Variants in SNAP91 observed in about 807,000 individuals in gnomAD.
SNAP91 encodes synaptosome associated protein 91.
Under a neutral mutation model 100.3 loss-of-function variants are expected in SNAP91, and 27 were observed. The observed-to-expected ratio is 0.27, with a 90% CI of 0.20 to 0.37. The LOEUF is 0.37. Ranked by LOEUF, SNAP91 falls within the 10% of genes least tolerant of loss-of-function variation. SNAP91 has a pLI of 1.00. For synonymous variants in SNAP91, 404 were observed against 398.6 expected, an observed-to-expected ratio of 1.01 and a Z score of -0.16; for missense variants, 986 against 1,123.7, an observed-to-expected ratio of 0.88 and a Z score of 1.75.
At chr6:83,652,467 T>C (rs906523532) in intron 7 of SNAP91, among the ~76,000 whole-genome samples, 3 of 152,148 alleles carry the variant, frequency 2.0e-5, no homozygotes, top group East Asian at 1.9e-4. Context: ...GCTTCATTGA[T>C]AGTGTGAGTA....
chr6:83,656,688 C>T, intron 7 of SNAP91, 66 bp downstream of exon 7: 3 of 672,244 alleles, frequency 4.5e-6, no homozygotes, highest in African/African-American at 1.9e-5. Context: ...CAGACTCACC[C>T]CACAGAATTC....
intron 14 of SNAP91, among the ~76,000 whole-genome samples, chr6:83,605,356 G>C (rs1372029042): frequency 6.6e-6 from 1 of 152,104 alleles, no homozygotes; most frequent in Non-Finnish European, 1.5e-5. Context: ...CTCAAGGCCT[G>C]AGTCTCTAGA....
At chr6:83,631,818 T>G (rs1249088915) in intron 8 of SNAP91, among the ~76,000 whole-genome samples, 1 of 152,176 alleles carries the variant, frequency 6.6e-6, no homozygotes, top group Non-Finnish European at 1.5e-5. Flanking sequence ...AGTGGGGCAT[T>G]TAGGCCATTT....
intron 13 of SNAP91, 32 bp from the exon 14 acceptor site, chr6:83,605,835 T>A: frequency 6.7e-7 from 1 of 1,499,122 alleles, no homozygotes; most frequent in Non-Finnish European, 9.0e-7. Context: ...AAAATCAGAT[T>A]TTGAAATTTT....
intron 9 of SNAP91, among the ~76,000 whole-genome samples, chr6:83,622,830 T>C (rs1256641438): frequency 8.5e-5 from 13 of 152,084 alleles, no homozygotes; most frequent in Admixed American, 8.5e-4. Context: ...TGGACATTTC[T>C]CCATTTCATA....
intron 16 of SNAP91, among the ~76,000 whole-genome samples, chr6:83,600,075 C>T (rs577495899): frequency 4.8e-4 from 73 of 152,310 alleles, no homozygotes; most frequent in Middle Eastern, 3.4e-3. Context: ...TGAGCCACTG[C>T]GCCAGACCAT....
chr6:83,683,349 C>T lies in SNAP91; in HGVS notation c.131-17768G>A, dbSNP rs937029751. 5.9e-5 allele frequency among the ~76,000 whole-genome samples: 9 copies of T among 152,140 alleles called. No homozygotes were observed. The East Asian group carries it at 7.7e-4, about 13-fold the overall frequency. ...AAATTTGATCTCCAATGTTGGAGGTCGGGCCTAATGGAAGGTGTTTGGGCC... is the reference window on the plus strand; with the variant it reads ...AAATTTGATCTCCAATGTTGGAGGTTGGGCCTAATGGAAGGTGTTTGGGCC... On this transcript the variant is annotated intron_variant, in intron 2 of 29. Coordinates refer to ENST00000369694, the MANE Select transcript of SNAP91 (RefSeq NM_001242792.2).
intron 28 of SNAP91, 149 bp downstream of exon 28, chr6:83,559,955 T>C: frequency 3.0e-6 from 2 of 666,630 alleles, no homozygotes; most frequent in South Asian, 1.8e-5. Context: ...ATCTCACTTT[T>C]GCAGATCTGT....
At chr6:83,660,019 T>C (rs2098508486) in intron 5 of SNAP91, among the ~76,000 whole-genome samples, 2 of 152,130 alleles carry the variant, frequency 1.3e-5, no homozygotes, top group South Asian at 4.2e-4. Flanking sequence ...ATGGTGATGG[T>C]TGAGGAGCAG....
chr6:83,559,168 A>T (rs1001978721), intron 28 of SNAP91, among the ~76,000 whole-genome samples: 1 of 152,188 alleles, frequency 6.6e-6, no homozygotes, highest in African/African-American at 2.4e-5. Flanking sequence ...CTCAGAGTGG[A>T]GGCAGAAAGC....
intron 2 of SNAP91, among the ~76,000 whole-genome samples, chr6:83,668,886 T>A (rs1438165660): frequency 1.3e-5 from 2 of 152,046 alleles, no homozygotes; most frequent in African/African-American, 4.8e-5. Flanking sequence ...TAACATCTTA[T>A]ACACCCACTG....
At chr6:83,696,002 C>T (rs2129018798) in intron 2 of SNAP91, among the ~76,000 whole-genome samples, 1 of 152,182 alleles carries the variant, frequency 6.6e-6, no homozygotes, top group South Asian at 2.1e-4. Context: ...TTGGTCACAG[C>T]CCACTCATTA....
intron 14 of SNAP91, among the ~76,000 whole-genome samples, chr6:83,603,553 G>A (rs554885828): frequency 6.6e-6 from 1 of 151,448 alleles, no homozygotes; most frequent in Non-Finnish European, 1.5e-5. Flanking sequence ...TGGTAAATCA[G>A]TGAGTTCGTT....
In SNAP91 at chr6:83,580,519, T is replaced by A. The variant is rs575210334; in HGVS notation, c.2230A>T (p.Ser744Cys). The A allele has an allele frequency of 6.2e-7, 1 of 1,613,746 alleles. No homozygotes were observed. The highest frequency in any genetic ancestry group is 2.2e-5 in the East Asian group (1 of 44,870). ...GCTTTGCTGGCTGCCATTGCAGGACTGGGTGGTACCATTGAGACAGGTGCA... is the reference window on the plus strand; with the variant it reads ...GCTTTGCTGGCTGCCATTGCAGGACAGGGTGGTACCATTGAGACAGGTGCA... ...QPAPVSMVPP[S>C]PAMAASKALG... The change falls in exon 24 of 30, where the codon AGT (serine) becomes TGT (cysteine). Residue 744 changes from serine (S) to cysteine (C), a missense_variant. Coordinates refer to ENST00000369694, the MANE Select transcript of SNAP91 (RefSeq NM_001242792.2).
chr6:83,616,749 G>T (rs1271366883), intron 10 of SNAP91, among the ~76,000 whole-genome samples: 1 of 151,990 alleles, frequency 6.6e-6, no homozygotes. Context: ...AGTTAATGTA[G>T]GTACAATCTA....
intron 21 of SNAP91, 69 bp from the exon 22 acceptor site, chr6:83,591,363 G>A: frequency 9.8e-7 from 1 of 1,016,308 alleles, no homozygotes; most frequent in South Asian, 1.3e-5. Context: ...AGTAATTTAA[G>A]TATTATGTAG....
intron 1 of SNAP91, chr6:83,708,250 C>G: frequency 3.5e-6 from 1 of 284,534 alleles, no homozygotes; most frequent in South Asian, 6.9e-5. Flanking sequence ...CCCCTGGGGA[C>G]CCCCCTGTCA....
At chr6:83,697,916 C>A (rs2099241478) in intron 2 of SNAP91, among the ~76,000 whole-genome samples, 1 of 152,032 alleles carries the variant, frequency 6.6e-6, no homozygotes, top group Non-Finnish European at 1.5e-5. Context: ...AAAGAAACTA[C>A]AGACTAGAGG....
At chr6:83,560,082 T>C (rs375371664) in intron 28 of SNAP91, 22 bp downstream of exon 28, 3 of 1,571,468 alleles carry the variant, frequency 1.9e-6, no homozygotes, top group African/African-American at 1.3e-5. Context: ...GTCACTGATT[T>C]GTGGACATTG....
Sources: gnomAD v4.1 joint callset for allele counts (sites outside exome capture counted in the v4.1 genomes callset) on GRCh38, gnomAD v4.1.1 for gene constraint, MANE v1.5 for transcripts, NCBI Gene and HGNC (gene_info 2026-07-23, HGNC 2026-07-21) for gene names.